PCDHA1: variants seen among roughly 807,000 people sequenced by gnomAD.
The protein encoded by PCDHA1 is protocadherin alpha-1.
PCDHA1 carries 42 observed loss-of-function variants against 61.3 expected under a neutral mutation model. The observed-to-expected ratio is 0.69, with a 90% CI of 0.54 to 0.89. The LOEUF (loss-of-function observed/expected upper bound fraction) is 0.89. PCDHA1 is among the 40% of genes least tolerant of loss of function. The pLI is 0.00. For missense variants in PCDHA1, 1,256 were observed against 1,235.3 expected (o/e 1.02, Z -0.25); for synonymous variants, 610 against 553.8 (o/e 1.10, Z -1.43).
chr5:140,892,237 A>G (rs1288947116), intron 1 of PCDHA1, among the ~76,000 whole-genome samples: 13 of 152,180 alleles, frequency 8.5e-5, no homozygotes, highest in Non-Finnish European at 7.4e-5. Context: ...TTGTCTCCAC[A>G]TAAACCTGGT....
chr5:140,911,405 C>T (rs565928237), intron 1 of PCDHA1, among the ~76,000 whole-genome samples: 45 of 152,276 alleles, frequency 3.0e-4, no homozygotes, highest in South Asian at 1.5e-3. Flanking sequence ...AGGTCAGCCA[C>T]TGGTATGATA....
intron 1 of PCDHA1, chr5:140,862,434 T>C: frequency 2.8e-6 from 1 of 354,954 alleles, no homozygotes; most frequent in South Asian, 2.1e-5. Flanking sequence ...AAACTATTCG[T>C]TGGTACTCCA....
intron 1 of PCDHA1, chr5:140,843,568 A>G: frequency 6.3e-7 from 1 of 1,595,946 alleles, no homozygotes; most frequent in Non-Finnish European, 8.6e-7. Context: ...GGAGCTGGTC[A>G]TACTCGCAAC....
At chr5:140,869,843 A>C in intron 1 of PCDHA1, 1 of 1,611,638 alleles carries the variant, frequency 6.2e-7, no homozygotes, top group East Asian at 2.2e-5. Context: ...AAATCAGAAT[A>C]TAAGGTGAGC....
Position 140,836,307 on chromosome 5 carries a change from G to A in PCDHA1, c.2394+47623G>A, listed in dbSNP as rs148995786. 8.6e-5 allele frequency: 139 copies of A among 1,613,622 alleles called. 1 individual carries two copies. The highest frequency in any genetic ancestry group is 1.3e-4 in the Admixed American group (8 of 60,000). On this transcript the variant is annotated intron_variant, in intron 1 of 3. Coordinates refer to ENST00000504120, the MANE Select transcript of PCDHA1 (RefSeq NM_018900.4). ...GACACGAGCCCTAGATGAGACGGAC[G>A]CACCGCGCCACCGCCTTCTGGTGCT... is the stretch of plus-strand genomic sequence containing the variant.
At chr5:141,008,626 A>G (rs375674921) in intron 3 of PCDHA1, among the ~76,000 whole-genome samples, 1 of 152,222 alleles carries the variant, frequency 6.6e-6, no homozygotes. Context: ...TTTCTCAAGT[A>G]TAATTAACAA....
chr5:140,983,059 C>A (rs1325414567), intron 3 of PCDHA1, among the ~76,000 whole-genome samples: 3 of 151,980 alleles, frequency 2.0e-5, no homozygotes, highest in Non-Finnish European at 4.4e-5. Flanking sequence ...TTATCGGAAC[C>A]AAGGCATTGT....
chr5:140,842,467 C>T (rs1554139064), intron 1 of PCDHA1: 3 of 1,613,802 alleles, frequency 1.9e-6, no homozygotes, highest in East Asian at 2.2e-5. Context: ...CAGGTGCCAA[C>T]GGGCAGGTGA....
At chr5:140,971,322 A>G (rs1344853773) in intron 1 of PCDHA1, among the ~76,000 whole-genome samples, 6 of 152,224 alleles carry the variant, frequency 3.9e-5, no homozygotes, top group Admixed American at 3.9e-4. Context: ...TCTAGGGAGA[A>G]AATTATTTCA....
intron 1 of PCDHA1, chr5:140,871,001 C>T (rs2052611705): frequency 1.9e-6 from 3 of 1,613,292 alleles, no homozygotes; most frequent in Admixed American, 1.7e-5. Flanking sequence ...ATAAGCACAA[C>T]GCGTGCCCTG....
chr5:140,870,339 G>A (rs1554164098), intron 1 of PCDHA1: 1 of 1,614,064 alleles, frequency 6.2e-7, no homozygotes, highest in East Asian at 2.2e-5. Context: ...ACAGCGCCCT[G>A]GACCGCGAGA....
chr5:140,786,317 G>A lies in PCDHA1; in HGVS notation c.27G>A (p.Leu9=). 6.2e-7 allele frequency: 1 copy of A among 1,611,198 alleles called. No homozygotes were observed. Among genetic ancestry groups the A allele is most frequent in the East Asian group, 2.2e-5 (1 of 44,876 alleles). MVFSRRGG[L]GARDLLLWLL... ...TGGTGTTTTCTAGGAGAGGGGGCCTGGGAGCCCGGGATCTGCTTCTTTGGC... is the reference window on the plus strand; with the variant it reads ...TGGTGTTTTCTAGGAGAGGGGGCCTAGGAGCCCGGGATCTGCTTCTTTGGC... The change falls in exon 1 of 4, where the codon CTG becomes CTA. Residue 9 remains leucine, a synonymous_variant. Transcript: ENST00000504120.
At chr5:140,980,835 T>A (rs2096907301) in intron 2 of PCDHA1, among the ~76,000 whole-genome samples, 1 of 152,220 alleles carries the variant, frequency 6.6e-6, no homozygotes, top group South Asian at 2.1e-4. Flanking sequence ...GTTGTGAACC[T>A]AAATAATACT....
intron 1 of PCDHA1, among the ~76,000 whole-genome samples, chr5:140,916,847 C>G (rs1276107761): frequency 6.6e-6 from 1 of 152,116 alleles, no homozygotes; most frequent in Non-Finnish European, 1.5e-5. Flanking sequence ...GAGCCCAGCC[C>G]AGCACTAGGA....
At chr5:140,823,280 C>G in intron 1 of PCDHA1, 1 of 1,612,450 alleles carries the variant, frequency 6.2e-7, no homozygotes, top group Non-Finnish European at 8.5e-7. Flanking sequence ...GGCGAGCGCC[C>G]GCTGTCGAGT....
intron 1 of PCDHA1, chr5:140,927,292 C>G (rs782109776): frequency 1.3e-5 from 21 of 1,614,162 alleles, no homozygotes; most frequent in Non-Finnish European, 1.7e-6. Context: ...GCTGCACATC[C>G]CCGAGTTCCT....
chr5:140,870,084 C>T (rs782413178), intron 1 of PCDHA1: 1 of 1,613,864 alleles, frequency 6.2e-7, no homozygotes, highest in Non-Finnish European at 8.5e-7. Context: ...AGGGGACTCC[C>T]CCAATGGCAG....
rs782107641 is a variant in PCDHA1 at position 140,787,509 on chromosome 5, T to G, written c.1219T>G (p.Leu407Val). ...GTCCACCTTCAAGAATTACTACTCG[T>G]TGGTGTTGGACAGCGCCCTGGATCG... The part of the protein sequence containing the change: ...LVSTFKNYYS[L>V]VLDSALDRES... Residue 407 changes from leucine to valine, a missense_variant, in exon 1 of 4, where the codon TTG becomes GTG. By Grantham distance (32) the Leu-to-Val change is conservative. Transcript: ENST00000504120. 1 of 1,614,166 alleles carries G rather than the reference T, an allele frequency of 6.2e-7. No individual in the cohort carries two copies.
intron 1 of PCDHA1, chr5:140,801,934 T>C: frequency 1.2e-6 from 2 of 1,614,192 alleles, no homozygotes; most frequent in Middle Eastern, 1.6e-4. Flanking sequence ...GAGAGGACGA[T>C]CTATAAAGTC....
Sources: gnomAD v4.1 joint callset for allele counts (sites outside exome capture counted in the v4.1 genomes callset) on GRCh38, gnomAD v4.1.1 for gene constraint, MANE v1.5 for transcripts, NCBI Gene and HGNC (gene_info 2026-07-23, HGNC 2026-07-21) for gene names.